Variants in CNTN6 observed in about 807,000 individuals in gnomAD.
CNTN6 encodes contactin 6.
In CNTN6, 137 loss-of-function variants were observed where a neutral mutation model predicts 122.8. That is an observed-to-expected ratio of 1.12 (90% CI 0.97 to 1.29). The LOEUF is 1.29. CNTN6 is among the 50% of genes most tolerant of loss of function. CNTN6 has a pLI of 0.00. For missense variants in CNTN6, 1,634 were observed against 1,223.4 expected (o/e 1.34, Z -5.01); for synonymous variants, 570 against 426.0 (o/e 1.34, Z -4.16).
chr3:1,138,154 G>T (rs79881387), intron 1 of CNTN6, among the ~76,000 whole-genome samples: 6 of 152,084 alleles, frequency 3.9e-5, no homozygotes, highest in African/African-American at 1.5e-4. Context: ...CTCTTAAACC[G>T]TGATGCTCGG....
Position 1,387,876 on chromosome 3 carries a change from C to T in CNTN6, c.2704+2079C>T, listed in dbSNP as rs141554669. Among the ~76,000 whole-genome samples the T allele has an allele frequency of 4.1e-3, 632 of 152,292 alleles. 6 individuals carry two copies. The highest frequency in any genetic ancestry group is 0.014 in the African/African-American group (584 of 41,580). On this transcript the variant is annotated intron_variant, in intron 20 of 22. Transcript: ENST00000446702. ...GACCAGCTTAAAAAACGGCGCACCA[C>T]GAGATTATATCCTGCACCCGGCTCG...
chr3:1,177,054 T>C (rs2093464365), intron 2 of CNTN6, among the ~76,000 whole-genome samples: 1 of 152,176 alleles, frequency 6.6e-6, no homozygotes, highest in South Asian at 2.1e-4. Flanking sequence ...TGCCATAATG[T>C]TTAATCTTAA....
chr3:1,301,117 A>C (rs1697328622), intron 7 of CNTN6, among the ~76,000 whole-genome samples: 1 of 143,990 alleles, frequency 6.9e-6, no homozygotes, highest in South Asian at 2.2e-4. Context: ...GCTCACTGCA[A>C]CCTCCGCGTC....
At chr3:1,132,537 C>A (rs9833076) in intron 1 of CNTN6, among the ~76,000 whole-genome samples, 2,306 of 151,874 alleles carry the variant, frequency 0.015, 58 homozygotes, top group African/African-American at 0.054. Context: ...ATAGCCTGGG[C>A]AACATAGAAA....
intron 1 of CNTN6, among the ~76,000 whole-genome samples, chr3:1,094,794 A>T (rs1012147637): frequency 2.0e-5 from 3 of 152,118 alleles, no homozygotes; most frequent in Non-Finnish European, 4.4e-5. Context: ...AATGCTCAGT[A>T]GTATAATAGT....
intron 4 of CNTN6, among the ~76,000 whole-genome samples, chr3:1,262,853 A>G (rs2094869472): frequency 1.3e-5 from 2 of 152,070 alleles, no homozygotes; most frequent in African/African-American, 2.4e-5. Context: ...CCACATATAT[A>G]GTATAAATTT....
rs369583128 is a variant in CNTN6, at chr3:1,345,055, C to A, written c.1365-7269C>A. On this transcript the variant is annotated intron_variant, in intron 11 of 22. Transcript: ENST00000446702. ...GTTTTCATCAATCCACTGATTAAAT[C>A]TTTGAATTTTGCCTGGACAGGGGTA... is the stretch of plus-strand genomic sequence containing the variant. 8.6e-5 allele frequency among the ~76,000 whole-genome samples: 13 copies of A among 150,860 alleles called. No homozygotes were observed. The East Asian group carries it at 1.9e-3, about 23-fold the overall frequency.
intron 3 of CNTN6, among the ~76,000 whole-genome samples, chr3:1,224,963 G>A (rs1284545350): frequency 9.9e-5 from 15 of 152,098 alleles, no homozygotes; most frequent in Admixed American, 6.6e-4. Context: ...GGCCAGGCTG[G>A]TCTTGAACTC....
intron 7 of CNTN6, among the ~76,000 whole-genome samples, chr3:1,310,911 G>A (rs1699129337): frequency 6.6e-6 from 1 of 152,072 alleles, no homozygotes; most frequent in Admixed American, 6.6e-5. Context: ...TGAAGCAGGA[G>A]AATCGCTTGA....
intron 12 of CNTN6, among the ~76,000 whole-genome samples, chr3:1,355,947 G>A (rs1327383906): frequency 1.3e-5 from 2 of 151,734 alleles, no homozygotes; most frequent in Admixed American, 6.6e-5. Flanking sequence ...TAATACAGCA[G>A]GATAAGGCGA....
chr3:1,356,400 T>C lies in CNTN6; in HGVS notation c.1492+3949T>C, dbSNP rs148049169. Among the ~76,000 whole-genome samples, 688 of 151,980 alleles carry C rather than the reference T, an allele frequency of 4.5e-3. 5 individuals are homozygous for C. Among genetic ancestry groups the C allele is most frequent in the Middle Eastern group, 0.01 (3 of 294 alleles). On this transcript the variant is annotated intron_variant, in intron 12 of 22. Coordinates refer to ENST00000446702, the MANE Select transcript of CNTN6 (RefSeq NM_001289080.2). ...TGCTCATTTAGTTGTTTATTCTTCG[T>C]GATAGAAGTCTTTATTATACCAGCA...
At chr3:1,282,635 G>T (rs947932097) in intron 5 of CNTN6, among the ~76,000 whole-genome samples, 14 of 152,086 alleles carry the variant, frequency 9.2e-5, no homozygotes, top group Non-Finnish European at 1.6e-4. Flanking sequence ...ACGAAGTTTT[G>T]TAAGGACAGC....
chr3:1,293,220 C>A (rs981135830), intron 5 of CNTN6, among the ~76,000 whole-genome samples: 21 of 151,816 alleles, frequency 1.4e-4, no homozygotes, highest in Non-Finnish European at 2.2e-4. Context: ...TAACTTTTTC[C>A]TTCTTTCTCT....
chr3:1,280,527 C>A (rs1011839332), intron 5 of CNTN6, among the ~76,000 whole-genome samples: 3 of 126,052 alleles, frequency 2.4e-5, no homozygotes, highest in Admixed American at 9.9e-5. Context: ...TGCAGTGGCT[C>A]GATCTTGGCT....
At chr3:1,211,129 C>T (rs752602746) in intron 2 of CNTN6, among the ~76,000 whole-genome samples, 18 of 152,146 alleles carry the variant, frequency 1.2e-4, no homozygotes, top group South Asian at 2.1e-4. Context: ...TAGACTTCTG[C>T]GGTAGAAGAT....
chr3:1,112,409 C>T (rs571907221), intron 1 of CNTN6, among the ~76,000 whole-genome samples: 25 of 152,082 alleles, frequency 1.6e-4, no homozygotes, highest in Non-Finnish European at 3.2e-4. Context: ...TTCAAATGCC[C>T]CCAAACCAGG....
chr3:1,385,863 T>A, intron 20 of CNTN6, 66 bp downstream of exon 20: 1 of 1,399,744 alleles, frequency 7.1e-7, no homozygotes, highest in Non-Finnish European at 9.6e-7. Flanking sequence ...CTTTGCTTGA[T>A]GTTCATTTCA....
chr3:1,205,750 A>G (rs545339499), intron 2 of CNTN6, among the ~76,000 whole-genome samples: 22 of 152,354 alleles, frequency 1.4e-4, no homozygotes, highest in African/African-American at 5.0e-4. Context: ...AACTTGTTCA[A>G]AGAAGAATCC....
chr3:1,160,960 A>G (rs2093119928), intron 2 of CNTN6, among the ~76,000 whole-genome samples: 1 of 151,990 alleles, frequency 6.6e-6, no homozygotes, highest in South Asian at 2.1e-4. Flanking sequence ...TTACTTCCAA[A>G]TTATTTTAGA....
Sources: allele counts gnomAD v4.1 joint callset (sites outside exome capture counted in the v4.1 genomes callset), GRCh38; gene constraint gnomAD v4.1.1; transcripts MANE v1.5; gene names NCBI Gene and HGNC (gene_info 2026-07-23, HGNC 2026-07-21).